ZMPSTE24: variants seen among roughly 807,000 people sequenced by gnomAD.
The protein encoded by ZMPSTE24 is CAAX prenyl protease 1 homolog.
In ZMPSTE24, 48 loss-of-function variants were observed where a neutral mutation model predicts 56.7. That is an observed-to-expected ratio of 0.85 (90% CI 0.67 to 1.08). The LOEUF (loss-of-function observed/expected upper bound fraction) is 1.08. ZMPSTE24 is among the 50% of genes least tolerant of loss of function. The pLI is 0.00. For missense variants in ZMPSTE24, 503 were observed against 548.7 expected (o/e 0.92, Z 0.83); for synonymous variants, 172 against 195.2 (o/e 0.88, Z 0.99).
intron 8 of ZMPSTE24, among the ~76,000 whole-genome samples, chr1:40,287,474 C>T (rs141838617): frequency 0.045 from 6,871 of 151,806 alleles, 501 homozygotes; most frequent in African/African-American, 0.16. Context: ...GTCAGGAGAT[C>T]GAGACCAGCC....
At chr1:40,284,102 ATTTTTT>A (rs10600489) in intron 7 of ZMPSTE24, among the ~76,000 whole-genome samples, 1 of 116,978 alleles carries the variant, frequency 8.5e-6, no homozygotes. Flanking sequence ...TGCCCAGCTA[ATTTTTT>A]TTTTTTTTTT....
At position 40,268,528 on chromosome 1, in the gene ZMPSTE24, A is replaced by G. The variant is rs747896764; in HGVS notation, c.467A>G (p.Asn156Ser). 6 of 1,584,976 alleles carry G rather than the reference A, an allele frequency of 3.8e-6. No individual in the cohort carries two copies. Among genetic ancestry groups the G allele is most frequent in the Non-Finnish European group, 5.2e-6 (6 of 1,155,506 alleles). ...TFVIEEKHGF[N>S]QQTLGFFMKD... ...GTGATAGAAGAAAAACATGGCTTCAATCAACAGGTATAATAAAGAATACAA... is the reference window on the plus strand; with the variant it reads ...GTGATAGAAGAAAAACATGGCTTCAGTCAACAGGTATAATAAAGAATACAA... Residue 156 changes from asparagine to serine, a missense_variant, in exon 4 of 10, where the codon AAT becomes AGT. By Grantham distance (46) the Asn-to-Ser change is conservative. Transcript: ENST00000372759.
At chr1:40,261,067 A>T in intron 2 of ZMPSTE24, 82 bp downstream of exon 2, 1 of 1,527,284 alleles carries the variant, frequency 6.5e-7, no homozygotes, top group Non-Finnish European at 9.1e-7. Context: ...AGGGTACCAC[A>T]CTTACAAGTC....
chr1:40,270,137 A>C lies in ZMPSTE24; in HGVS notation c.627+10A>C. On this transcript the variant is annotated intron_variant, in intron 5 of 9. Transcript: ENST00000372759. ...ATTAGTTGTGTCTCTGGTGAGTAAA[A>C]TCTTTATTTCGTTTTCTTTTGCAAA... 1.9e-6 allele frequency: 3 copies of C among 1,613,686 alleles called. No homozygotes were observed. The highest frequency in any genetic ancestry group is 8.5e-7 in the Non-Finnish European group (1 of 1,179,838).
At chr1:40,291,997 C>T (rs191113051) in intron 9 of ZMPSTE24, among the ~76,000 whole-genome samples, 15 of 152,070 alleles carry the variant, frequency 9.9e-5, no homozygotes, top group Admixed American at 7.2e-4. Flanking sequence ...CCCATCACCA[C>T]GCCCAGCTAA....
chr1:40,290,751 C>T (rs1427228164), intron 8 of ZMPSTE24, 103 bp from the exon 9 acceptor site: 19 of 1,442,166 alleles, frequency 1.3e-5, no homozygotes, highest in East Asian at 1.2e-4. Flanking sequence ...CGTGAGCCAC[C>T]GCGCCCGGCC....
rs1162165428 is a variant in ZMPSTE24 at position 40,269,974 on chromosome 1, G to A, written c.475-1G>A. ...CTTGTGGTAATGTTTTCTTTTTGCA[G>A]ACTTTGGGGTTCTTCATGAAAGATG... On this transcript the variant is annotated splice_acceptor_variant, in intron 4 of 9. Transcript: ENST00000372759. LOFTEE classifies it high-confidence loss of function. 6.2e-7 allele frequency: 1 copy of A among 1,605,532 alleles called. No individual in the cohort carries two copies. Among genetic ancestry groups the A allele is most frequent in the South Asian group, 1.1e-5 (1 of 87,984 alleles).
In ZMPSTE24 at chr1:40,268,549, T is replaced by A; in HGVS notation, c.474+14T>A. 6.7e-7 allele frequency: 1 copy of A among 1,503,058 alleles called. No individual in the cohort carries two copies. The highest frequency in any genetic ancestry group is 9.2e-7 in the Non-Finnish European group (1 of 1,082,946). The allele number at this position is 1,503,058 out of a possible 1,614,324, so 93.1% of individuals were successfully genotyped here. ...TTCAATCAACAGGTATAATAAAGAA[T>A]ACAAATGTTCTCTTTTAAATGTGAA... On this transcript the variant is annotated intron_variant, in intron 4 of 9. Coordinates refer to ENST00000372759, the MANE Select transcript of ZMPSTE24 (RefSeq NM_005857.5).
intron 6 of ZMPSTE24, among the ~76,000 whole-genome samples, chr1:40,277,860 C>T (rs1303913487): frequency 1.3e-5 from 2 of 149,350 alleles, no homozygotes; most frequent in Non-Finnish European, 3.0e-5. Context: ...TCCCAGCTAC[C>T]CAGGAGGTTG....
chr1:40,279,954 C>A (rs144161522), intron 6 of ZMPSTE24, among the ~76,000 whole-genome samples: 4 of 152,032 alleles, frequency 2.6e-5, no homozygotes, highest in Admixed American at 2.6e-4. Context: ...GGTCATCGCC[C>A]GTTGTTCTAT....
At chr1:40,273,698 A>C (rs573925851) in intron 6 of ZMPSTE24, among the ~76,000 whole-genome samples, 1 of 135,216 alleles carries the variant, frequency 7.4e-6, no homozygotes, top group African/African-American at 2.8e-5. Context: ...TGAAATAACT[A>C]CTCTTTTTTT....
chr1:40,290,352 T>C (rs1192472390), intron 8 of ZMPSTE24, among the ~76,000 whole-genome samples: 1 of 148,408 alleles, frequency 6.7e-6, no homozygotes, highest in Admixed American at 6.7e-5. Flanking sequence ...GCCACTGAGC[T>C]CCACCCTGGG....
intron 7 of ZMPSTE24, among the ~76,000 whole-genome samples, chr1:40,285,327 G>C (rs1386187859): frequency 6.6e-6 from 1 of 151,904 alleles, no homozygotes; most frequent in Non-Finnish European, 1.5e-5. Context: ...GTCTGGTCTC[G>C]GTCTCCTGAC....
chr1:40,281,650 C>A, intron 7 of ZMPSTE24, 123 bp downstream of exon 7: 1 of 1,019,988 alleles, frequency 9.8e-7, no homozygotes, highest in South Asian at 1.4e-5. Context: ...AGATGAAAAC[C>A]ATGGCTCCTT....
At chr1:40,289,783 TC>T (rs1557782998) in intron 8 of ZMPSTE24, among the ~76,000 whole-genome samples, 1 of 152,172 alleles carries the variant, frequency 6.6e-6, no homozygotes, top group Non-Finnish European at 1.5e-5. Context: ...GATCTACTTT[TC>T]CCCCTGACCT....
intron 6 of ZMPSTE24, among the ~76,000 whole-genome samples, chr1:40,278,557 C>CAAAAAAAAAAAAAAAAAAAAAA (rs397979953): frequency 5.1e-5 from 1 of 19,560 alleles, no homozygotes; most frequent in Non-Finnish European, 9.5e-5. Flanking sequence ...GACTCCGTCT[C>CAAAAAAAAAAAAAAAAAAAAAA]AAAAAAAAAA....
chr1:40,291,060 C>T (rs1643838871), intron 9 of ZMPSTE24, 63 bp downstream of exon 9: 11 of 1,586,934 alleles, frequency 6.9e-6, no homozygotes, highest in African/African-American at 5.4e-5. Flanking sequence ...CTAGAGCTTT[C>T]AGGATAGTGA....
At chr1:40,291,839 CT>C (rs769515049) in intron 9 of ZMPSTE24, among the ~76,000 whole-genome samples, 1,473 of 132,874 alleles carry the variant, frequency 0.011, 11 homozygotes, top group East Asian at 0.031. Flanking sequence ...TCTTAAAACT[CT>C]TTTTTTTTTT....
At chr1:40,265,715 T>G (rs1342474931) in intron 2 of ZMPSTE24, among the ~76,000 whole-genome samples, 1 of 152,106 alleles carries the variant, frequency 6.6e-6, no homozygotes, top group African/African-American at 2.4e-5. Context: ...GAAAACAATT[T>G]ATTAAAGCAA....
Sources: allele counts gnomAD v4.1 joint callset (sites outside exome capture counted in the v4.1 genomes callset), GRCh38; gene constraint gnomAD v4.1.1; transcripts MANE v1.5; gene names NCBI Gene and HGNC (gene_info 2026-07-23, HGNC 2026-07-21).